The following HEMK2 variants were observed in gnomAD, a reference collection of about 807,000 sequenced individuals.
HEMK2 encodes the protein HemK methyltransferase 2, ETF1 glutamine and histone H4 lysine.
At chr21:28,666,949 A>G in the HEMK2 span, among the ~76,000 whole-genome samples, 2 of 152,164 alleles carry the variant, frequency 1.3e-5, no homozygotes, top group African/African-American at 4.8e-5. Context: ...TCAAAGAAAC[A>G]GAAGTCATGA....
At chr21:28,878,519 T>C in the HEMK2 span, among the ~76,000 whole-genome samples, 1 of 152,292 alleles carries the variant, frequency 6.6e-6, no homozygotes, top group Non-Finnish European at 1.5e-5. Flanking sequence ...AAATTAGTAA[T>C]CCTGTTTGTG....
the HEMK2 span, among the ~76,000 whole-genome samples, chr21:28,615,075 G>A: frequency 6.6e-6 from 1 of 152,126 alleles, no homozygotes; most frequent in Admixed American, 6.6e-5. Context: ...ATACAAGGGT[G>A]ATATGGGTGG....
the HEMK2 span, among the ~76,000 whole-genome samples, chr21:28,635,867 T>C: frequency 1.3e-5 from 2 of 152,180 alleles, no homozygotes; most frequent in Non-Finnish European, 2.9e-5. Flanking sequence ...GTGTAGTAAT[T>C]GAGCCCTTAA....
the HEMK2 span, among the ~76,000 whole-genome samples, chr21:28,613,818 T>C: frequency 6.6e-6 from 1 of 152,058 alleles, no homozygotes; most frequent in Non-Finnish European, 1.5e-5. Flanking sequence ...ATGTAAGAAA[T>C]GTCCTCAAAT....
At chr21:28,721,049 C>G in the HEMK2 span, among the ~76,000 whole-genome samples, 1 of 152,174 alleles carries the variant, frequency 6.6e-6, no homozygotes, top group Non-Finnish European at 1.5e-5. Flanking sequence ...TCACTGAGTA[C>G]TTGAATGTGG....
chr21:28,646,749 T>C, the HEMK2 span, among the ~76,000 whole-genome samples: 1 of 152,320 alleles, frequency 6.6e-6, no homozygotes, highest in African/African-American at 2.4e-5. Context: ...GGAGCTCAGC[T>C]GGGGTTGTCA....
At chr21:28,637,667 G>C in the HEMK2 span, among the ~76,000 whole-genome samples, 1 of 152,152 alleles carries the variant, frequency 6.6e-6, no homozygotes, top group Non-Finnish European at 1.5e-5. Context: ...TTTCTATGCG[G>C]GGGTAGGAGT....
chr21:28,747,922 C>A, the HEMK2 span, among the ~76,000 whole-genome samples: 1 of 152,198 alleles, frequency 6.6e-6, no homozygotes, highest in African/African-American at 2.4e-5. Context: ...CTTATGAGAA[C>A]ATCAGAGGAG....
the HEMK2 span, among the ~76,000 whole-genome samples, chr21:28,656,753 T>C: frequency 6.6e-6 from 1 of 152,036 alleles, no homozygotes; most frequent in Non-Finnish European, 1.5e-5. Flanking sequence ...TCTTTCTAAA[T>C]ACAAAGCAAG....
chr21:28,758,784 G>C, the HEMK2 span, among the ~76,000 whole-genome samples: 3 of 152,104 alleles, frequency 2.0e-5, no homozygotes, highest in Admixed American at 6.5e-5. Context: ...TAACTTCCAG[G>C]TACCAGGGGA....
the HEMK2 span, among the ~76,000 whole-genome samples, chr21:28,856,024 ATAT>A: frequency 7.9e-5 from 12 of 152,236 alleles, no homozygotes; most frequent in Non-Finnish European, 1.8e-4. Flanking sequence ...TACATTGCAG[ATAT>A]TATTAGGTAA....
At chr21:28,841,184 T>C in the HEMK2 span, among the ~76,000 whole-genome samples, 2 of 22,640 alleles carry the variant, frequency 8.8e-5, 1 homozygote, top group Non-Finnish European at 1.2e-4. Flanking sequence ...TATAAATATA[T>C]ATTATAATAT....
the HEMK2 span, among the ~76,000 whole-genome samples, chr21:28,862,499 C>T: frequency 1.4e-5 from 2 of 145,274 alleles, 1 homozygote; most frequent in African/African-American, 5.5e-5. Context: ...ATTAGCCTGG[C>T]GCGGTGGCGG....
At chr21:28,735,924 G>A in the HEMK2 span, among the ~76,000 whole-genome samples, 1 of 152,258 alleles carries the variant, frequency 6.6e-6, no homozygotes, top group African/African-American at 2.4e-5. Flanking sequence ...GGTCATGGTG[G>A]AATTCAGCCT....
At chr21:28,782,600 T>C in the HEMK2 span, among the ~76,000 whole-genome samples, 2 of 152,180 alleles carry the variant, frequency 1.3e-5, no homozygotes, top group African/African-American at 4.8e-5. Context: ...ACATATGTAA[T>C]AGGGAAAAGT....
At chr21:28,712,461 A>G in the HEMK2 span, among the ~76,000 whole-genome samples, 8 of 152,214 alleles carry the variant, frequency 5.3e-5, no homozygotes, top group Admixed American at 5.2e-4. Context: ...ATAAACCCAC[A>G]TAAGAAAGCT....
At chr21:28,866,715 A>G in the HEMK2 span, among the ~76,000 whole-genome samples, 1 of 152,202 alleles carries the variant, frequency 6.6e-6, no homozygotes, top group East Asian at 1.9e-4. Flanking sequence ...CCTGGGTGAC[A>G]AAACAAGATG....
the HEMK2 span, among the ~76,000 whole-genome samples, chr21:28,651,993 T>C: frequency 1.1e-4 from 16 of 152,242 alleles, no homozygotes; most frequent in African/African-American, 3.9e-4. Flanking sequence ...ATTTCTGTGA[T>C]TTAAGATCTT....
chr21:28,650,394 CAA>C, the HEMK2 span, among the ~76,000 whole-genome samples: 1 of 141,388 alleles, frequency 7.1e-6, no homozygotes. Context: ...GACTCCATCT[CAA>C]AAAAAAAAAT....
Sources: gnomAD v4.1 joint callset for allele counts (sites outside exome capture counted in the v4.1 genomes callset) on GRCh38, gnomAD v4.1.1 for gene constraint, MANE v1.5 for transcripts, NCBI Gene and HGNC (gene_info 2026-07-23, HGNC 2026-07-21) for gene names.